The following TOM1L2 variants were observed in gnomAD, a reference collection of about 807,000 sequenced individuals.
TOM1L2 encodes the protein target of myb1 like 2 membrane trafficking protein, also known as TOM1-like protein 2.
A neutral mutation model predicts 67.9 loss-of-function variants in TOM1L2; 31 were observed. The observed-to-expected ratio is 0.46, with a 90% confidence interval of 0.34 to 0.62. TOM1L2 has a LOEUF of 0.62. Ranked by LOEUF, TOM1L2 falls within the 20% of genes least tolerant of loss-of-function variation. The probability of loss-of-function intolerance (pLI) is 0.01; values close to 1 mark genes in which losing one functional copy is unlikely to be tolerated. For missense variants in TOM1L2, 606 were observed against 663.5 expected (o/e 0.91, Z 0.95); for synonymous variants, 256 against 254.0 (o/e 1.01, Z -0.07).
intron 7 of TOM1L2, among the ~76,000 whole-genome samples, chr17:17,877,201 C>T (rs569225435): frequency 2.0e-5 from 3 of 152,324 alleles, no homozygotes; most frequent in African/African-American, 4.8e-5. Context: ...AAGTGCTTTG[C>T]GATGTGCAGG....
intron 12 of TOM1L2, among the ~76,000 whole-genome samples, chr17:17,854,675 C>A (rs954958970): frequency 6.6e-6 from 1 of 151,744 alleles, no homozygotes; most frequent in African/African-American, 2.4e-5. Flanking sequence ...CAGGCGTGAG[C>A]CACCACACCT....
intron 1 of TOM1L2, among the ~76,000 whole-genome samples, chr17:17,937,201 A>G (rs780334675): frequency 5.9e-5 from 9 of 152,254 alleles, no homozygotes; most frequent in Non-Finnish European, 1.0e-4. Context: ...GCTATTCAAC[A>G]TGAACCCTTC....
intron 12 of TOM1L2, 147 bp from the exon 13 acceptor site, chr17:17,851,099 C>T: frequency 2.5e-6 from 2 of 807,668 alleles, no homozygotes; most frequent in Non-Finnish European, 2.0e-6. Flanking sequence ...GCACAGCACA[C>T]AGGGGCAACA....
intron 1 of TOM1L2, among the ~76,000 whole-genome samples, chr17:17,962,954 C>T (rs1597477163): frequency 6.7e-6 from 1 of 149,888 alleles, no homozygotes; most frequent in African/African-American, 2.4e-5. Flanking sequence ...GAGTGAGACT[C>T]CGTCTCAAAA....
intron 1 of TOM1L2, among the ~76,000 whole-genome samples, chr17:17,958,506 T>G (rs1003741229): frequency 1.3e-5 from 2 of 152,156 alleles, no homozygotes; most frequent in African/African-American, 4.8e-5. Context: ...TGAGGCTGAG[T>G]TGAAAATTTC....
intron 1 of TOM1L2, among the ~76,000 whole-genome samples, chr17:17,952,600 G>A (rs2041259751): frequency 6.6e-6 from 1 of 151,876 alleles, no homozygotes; most frequent in South Asian, 2.1e-4. Flanking sequence ...TTACTGTGTT[G>A]CCTAGGCTGG....
At chr17:17,857,267 GA>G (rs1254348525) in intron 12 of TOM1L2, among the ~76,000 whole-genome samples, 5 of 152,186 alleles carry the variant, frequency 3.3e-5, no homozygotes, top group African/African-American at 1.2e-4. Context: ...TATTCTTCAA[GA>G]GGTTTCAAAT....
Position 17,846,024 on chromosome 17 carries a change from C to G in TOM1L2, c.*1611G>C, listed in dbSNP as rs992021811. ...GAGGGCTGCTAGCCTGGCACAGGGTCCTGGGTCGGGCAGCACTTGCTCTTC... is the reference window on the plus strand; with the variant it reads ...GAGGGCTGCTAGCCTGGCACAGGGTGCTGGGTCGGGCAGCACTTGCTCTTC... On this transcript the variant is annotated 3_prime_UTR_variant, in exon 15 of 15. Transcript: ENST00000379504. 1.3e-5 allele frequency: 2 copies of G among 152,362 alleles called. No homozygotes were observed. The highest frequency in any genetic ancestry group is 4.8e-5 in the African/African-American group (2 of 41,462). 9.4% of individuals were successfully genotyped at this position (152,362 alleles called of 1,614,324 possible).
intron 2 of TOM1L2, among the ~76,000 whole-genome samples, chr17:17,906,098 A>G (rs970823415): frequency 6.7e-6 from 1 of 149,906 alleles, no homozygotes; most frequent in Non-Finnish European, 1.5e-5. Context: ...CACCTTCTAA[A>G]TGAGACTTTT....
At chr17:17,926,777 G>A (rs1396014299) in intron 1 of TOM1L2, among the ~76,000 whole-genome samples, 2 of 152,104 alleles carry the variant, frequency 1.3e-5, no homozygotes, top group Non-Finnish European at 2.9e-5. Context: ...AGAATCGCTT[G>A]AACCTGGGAG....
At chr17:17,953,694 T>A (rs1030842403) in intron 1 of TOM1L2, among the ~76,000 whole-genome samples, 2 of 151,898 alleles carry the variant, frequency 1.3e-5, no homozygotes, top group Non-Finnish European at 2.9e-5. Flanking sequence ...GACACATGAG[T>A]GGGGGGAGCA....
intron 1 of TOM1L2, among the ~76,000 whole-genome samples, chr17:17,931,290 G>A (rs2040324475): frequency 1.3e-5 from 2 of 151,892 alleles, no homozygotes; most frequent in Admixed American, 6.6e-5. Context: ...ATTCTACCAC[G>A]CAGCCCATGC....
At chr17:17,855,867 T>C (rs1280371422) in intron 12 of TOM1L2, among the ~76,000 whole-genome samples, 1 of 152,056 alleles carries the variant, frequency 6.6e-6, no homozygotes, top group Admixed American at 6.5e-5. Flanking sequence ...GTACAAAAAG[T>C]TTCCAAGTAA....
At chr17:17,916,074 ATTT>A (rs1203797922) in intron 1 of TOM1L2, among the ~76,000 whole-genome samples, 4 of 135,792 alleles carry the variant, frequency 2.9e-5, no homozygotes, top group Admixed American at 7.4e-5. Context: ...CCTTTTTAAG[ATTT>A]TTTTTTTTTT....
chr17:17,891,511 A>C (rs1194461385), intron 4 of TOM1L2, among the ~76,000 whole-genome samples: 1 of 152,102 alleles, frequency 6.6e-6, no homozygotes, highest in Non-Finnish European at 1.5e-5. Context: ...GCCCTCAGCC[A>C]TGGTCCCCAC....
chr17:17,929,159 G>T (rs1350199966), intron 1 of TOM1L2, among the ~76,000 whole-genome samples: 1 of 152,210 alleles, frequency 6.6e-6, no homozygotes, highest in Non-Finnish European at 1.5e-5. Flanking sequence ...CCAGAATGCA[G>T]TCGGGACTGT....
At chr17:17,894,413 G>A (rs531438482) in intron 3 of TOM1L2, among the ~76,000 whole-genome samples, 342 of 152,330 alleles carry the variant, frequency 2.2e-3, no homozygotes, top group Non-Finnish European at 3.8e-3. Flanking sequence ...GACCCTGCCT[G>A]CTCCTCCCTT....
At chr17:17,879,534 CG>C in intron 7 of TOM1L2, 92 bp downstream of exon 7, 1 of 989,980 alleles carries the variant, frequency 1.0e-6, no homozygotes, top group Non-Finnish European at 1.6e-6. Context: ...GGACCTGTCC[CG>C]CCTTGCCGCT....
At chr17:17,932,348 T>C (rs1373653882) in intron 1 of TOM1L2, among the ~76,000 whole-genome samples, 2 of 152,186 alleles carry the variant, frequency 1.3e-5, no homozygotes, top group Non-Finnish European at 2.9e-5. Context: ...CAGGTTGGTC[T>C]CAAACTCCTG....
Sources: gnomAD v4.1 joint callset for allele counts (sites outside exome capture counted in the v4.1 genomes callset) on GRCh38, gnomAD v4.1.1 for gene constraint, MANE v1.5 for transcripts, NCBI Gene and HGNC (gene_info 2026-07-23, HGNC 2026-07-21) for gene names.